MMGT1: variants seen among roughly 807,000 people sequenced by gnomAD.
The protein encoded by MMGT1 is ER membrane protein complex subunit 5.
Under a neutral mutation model 11.7 loss-of-function variants are expected in MMGT1, and 2 were observed. That is an observed-to-expected ratio of 0.17 (90% CI 0.07 to 0.54). The LOEUF is 0.54. Among genes scored for constraint, MMGT1 ranks in the 20% least tolerant of loss-of-function variants. The pLI, the probability that MMGT1 is intolerant of heterozygous loss-of-function variation, is 0.94. For missense variants in MMGT1, 74 were observed against 109.0 expected, an observed-to-expected ratio of 0.68 and a Z score of 1.43; for synonymous variants, 49 against 44.4, an observed-to-expected ratio of 1.10 and a Z score of -0.41.
At position 135,965,101 on chromosome X, in the gene MMGT1, C is replaced by T. The variant is rs1556611817; in HGVS notation, c.319G>A (p.Ala107Thr). 2 of 1,207,337 alleles carry T rather than the reference C, an allele frequency of 1.7e-6. No homozygotes were observed. The highest frequency in any genetic ancestry group is 1.7e-5 in the African/African-American group (1 of 57,695). ...AATGCATCTTGGTTTGAAGAATTTG[C>T]TGTATCCGAAGGCCGGAAAAGTACT... ...GRVLFRPSDT[A>T]NSSNQDALSS... Residue 107 changes from alanine to threonine, a missense_variant, in exon 4 of 4, where the codon GCA becomes ACA. Around this residue, in one of 2 missense-constraint regions of MMGT1, gnomAD observed 34 missense variants for 29.3 expected, o/e 1.16. Transcript: ENST00000305963.
intron 1 of MMGT1, among the ~76,000 whole-genome samples, chrX:135,973,235 G>A (rs2089230650): frequency 1.8e-5 from 2 of 111,779 alleles, no homozygotes; most frequent in Admixed American, 1.9e-4. Context: ...TGCCCAAGAT[G>A]TTGTCCACTT....
At chrX:135,965,881 C>G (rs1358778138) in intron 3 of MMGT1, among the ~76,000 whole-genome samples, 3 of 112,297 alleles carry the variant, frequency 2.7e-5, no homozygotes, top group Admixed American at 1.9e-4. Flanking sequence ...CCTCATTATT[C>G]AAGCCATATG....
At position 135,960,846 on chromosome X, in the gene MMGT1, G is replaced by A. The variant is rs1365727016; in HGVS notation, c.*4178C>T. Among the ~76,000 whole-genome samples, 2 of 112,000 alleles carry A rather than the reference G, an allele frequency of 1.8e-5. No homozygotes were observed. The highest frequency in any genetic ancestry group is 3.8e-5 in the Non-Finnish European group (2 of 53,175). Reference sequence around the variant, plus strand: ...CAGTAATCAATAAACATGAAAATGTGTTCCATCTCCTTCATTAAAATGTAC... The same window carrying A: ...CAGTAATCAATAAACATGAAAATGTATTCCATCTCCTTCATTAAAATGTAC... On this transcript the variant is annotated 3_prime_UTR_variant, in exon 4 of 4. Transcript: ENST00000305963.
rs782114424 is a variant in MMGT1 at position 135,973,640 on chromosome X, G to T, written c.36C>A (p.Ile12=). The part of the protein sequence containing the change: ...APSLWKGLVG[I]GLFALAHAAF... ...CGGCGTGGGCTAGGGCAAAGAGACC[G>T]ATGCCCACCAGCCCCTTCCACAGCG... The change falls in exon 1 of 4, where the codon ATC becomes ATA. Residue 12 remains isoleucine (I), a synonymous_variant. Coordinates refer to ENST00000305963, the MANE Select transcript of MMGT1 (RefSeq NM_173470.3). The T allele has an allele frequency of 3.4e-6, 4 of 1,165,706 alleles. No individual in the cohort carries two copies. In the Admixed American group the frequency reaches 1.0e-4, roughly 30 times the overall value.
rs781853438 is a variant in MMGT1, at chrX:135,967,419, G to A, written c.207C>T (p.Asp69=). The change falls in exon 3 of 4, where the codon GAC becomes GAT. Residue 69 remains aspartate (D), a synonymous_variant. Transcript: ENST00000305963. The part of the protein sequence containing the change: ...GIVHIAGEFK[D]MDATSELKNK... ...TTTTCAGTTCTGAAGTGGCATCCAT[G>A]TCTTTAAACTCTCCTGCAATATGAA... 21 of 1,191,685 alleles carry A rather than the reference G, an allele frequency of 1.8e-5. No homozygotes were observed. In the East Asian group the frequency reaches 2.4e-4, roughly 14 times the overall value.
chrX:135,967,808 A>G (rs1416861751), intron 2 of MMGT1, among the ~76,000 whole-genome samples: 1 of 111,924 alleles, frequency 8.9e-6, no homozygotes, highest in African/African-American at 3.2e-5. Context: ...AGCAACTAAG[A>G]ATTTTTAAGG....
intron 3 of MMGT1, among the ~76,000 whole-genome samples, chrX:135,966,790 T>G (rs1175945114): frequency 9.1e-6 from 1 of 110,234 alleles, no homozygotes; most frequent in African/African-American, 3.3e-5. Context: ...TTTAGGAAAG[T>G]AAAAATATGA....
rs781932549 is a variant in MMGT1 at position 135,962,924 on chromosome X, A to G, written c.*2100T>C. ...TTAGGTATCTGGCCCTCTTGCCTGA[A>G]ATCTATTGATTTTACCAACCACTCC... is the stretch of plus-strand genomic sequence containing the variant. On this transcript the variant is annotated 3_prime_UTR_variant, in exon 4 of 4. Transcript: ENST00000305963. 2 of 111,840 alleles carry G rather than the reference A, an allele frequency of 1.8e-5. No homozygotes were observed. Among genetic ancestry groups the G allele is most frequent in the Non-Finnish European group, 3.8e-5 (2 of 53,147 alleles). The allele number at this position is 111,840 out of a possible 1,213,427, so 9.2% of individuals were successfully genotyped here. A position where few individuals can be genotyped will look rare whatever the true frequency, so the allele number is the denominator to read the frequency against.
chrX:135,973,572 C>T, intron 1 of MMGT1, 25 bp downstream of exon 1: 1 of 1,141,603 alleles, frequency 8.8e-7, no homozygotes, highest in Non-Finnish European at 1.2e-6. Flanking sequence ...CACACCGAAG[C>T]GGTCCCCGTG....
At position 135,963,125 on chromosome X, in the gene MMGT1, G is replaced by C. The variant is rs41301503; in HGVS notation, c.*1899C>G. 1 of 110,958 alleles carries C rather than the reference G, an allele frequency of 9.0e-6. No homozygotes were observed. Among genetic ancestry groups the C allele is most frequent in the Non-Finnish European group, 1.9e-5 (1 of 52,980 alleles). The allele number at this position is 110,958 out of a possible 1,213,427, so 9.1% of individuals were successfully genotyped here. ...TAGATTAGTGGTTGCCAGGGGCTCG[G>C]GGATGGGGTGGGCACTGGGAGAAAA... On this transcript the variant is annotated 3_prime_UTR_variant, in exon 4 of 4. Coordinates refer to ENST00000305963, the MANE Select transcript of MMGT1 (RefSeq NM_173470.3).
Position 135,973,629 on chromosome X carries a change from G to A in MMGT1, c.47C>T (p.Ala16Val). ...WKGLVGIGLF[A>V]LAHAAFSAAQ... ...AGCGGAAAAGGCGGCGTGGGCTAGG[G>A]CAAAGAGACCGATGCCCACCAGCCC... The change falls in exon 1 of 4, where the codon GCC (alanine) becomes GTC (valine). Residue 16 changes from alanine (A) to valine (V), a missense_variant. Transcript: ENST00000305963. The A allele has an allele frequency of 8.6e-7, 1 of 1,167,095 alleles. No homozygotes were observed. Among genetic ancestry groups the A allele is most frequent in the South Asian group, 1.9e-5 (1 of 52,787 alleles).
rs2089161471 is a variant in MMGT1, at chrX:135,962,494, T to C, written c.*2530A>G. The C allele has an allele frequency of 8.9e-6, 1 of 112,215 alleles. No homozygotes were observed. The highest frequency in any genetic ancestry group is 1.9e-5 in the Non-Finnish European group (1 of 53,318). The allele number at this position is 112,215 out of a possible 1,213,427, so 9.2% of individuals were successfully genotyped here. A position where few individuals can be genotyped will look rare whatever the true frequency, so the allele number is the denominator to read the frequency against. On this transcript the variant is annotated 3_prime_UTR_variant, in exon 4 of 4. Coordinates refer to ENST00000305963, the MANE Select transcript of MMGT1 (RefSeq NM_173470.3). ...AACTACCCTAGGCAATAATTGACTG[T>C]CTCACAGTACTGTAGATAAAATTCT...
rs1556611352 is a variant in MMGT1 at position 135,961,268 on chromosome X, T to A, written c.*3756A>T. Among the ~76,000 whole-genome samples the A allele has an allele frequency of 2.7e-5, 3 of 110,777 alleles. No homozygotes were observed. Among genetic ancestry groups the A allele is most frequent in the South Asian group, 7.4e-4 (2 of 2,698 alleles). Reference sequence around the variant, plus strand: ...CGCTAAAAATAATGAGGTATTTTTATATATACTGATACAGAAAGATCTCAT... The same window carrying A: ...CGCTAAAAATAATGAGGTATTTTTAAATATACTGATACAGAAAGATCTCAT... On this transcript the variant is annotated 3_prime_UTR_variant, in exon 4 of 4. Coordinates refer to ENST00000305963, the MANE Select transcript of MMGT1 (RefSeq NM_173470.3).
intron 2 of MMGT1, among the ~76,000 whole-genome samples, chrX:135,967,834 T>A (rs1476641317): frequency 2.7e-5 from 3 of 110,361 alleles, no homozygotes; most frequent in Non-Finnish European, 5.7e-5. Context: ...TTGTTTTTGT[T>A]TTTTTTTTGT....
At chrX:135,970,280 T>TGG (rs1569523351) in intron 2 of MMGT1, among the ~76,000 whole-genome samples, 16 of 110,185 alleles carry the variant, frequency 1.5e-4, no homozygotes, top group African/African-American at 5.0e-4. Context: ...GGAAGGATAA[T>TGG]TGCTTGAACC....
At position 135,967,498 on chromosome X, in the gene MMGT1, G is replaced by A. The variant is rs1556612104; in HGVS notation, c.133-5C>T. ...CAGAAGTGTCTGAAGAACTATCTGT[G>A]AGTATAAAGATTGATAATACTAAAT... is the stretch of plus-strand genomic sequence containing the variant. On this transcript the variant is annotated splice_region_variant and splice_polypyrimidine_tract_variant and intron_variant, in intron 2 of 3. Coordinates refer to ENST00000305963, the MANE Select transcript of MMGT1 (RefSeq NM_173470.3). 9.8e-7 allele frequency: 1 copy of A among 1,018,246 alleles called. No individual in the cohort carries two copies. The highest frequency in any genetic ancestry group is 2.1e-5 in the South Asian group (1 of 47,695). 83.9% of individuals were successfully genotyped at this position (1,018,246 alleles called of 1,213,427 possible).
In MMGT1 at chrX:135,963,118, G is replaced by C. The variant is rs1556611596; in HGVS notation, c.*1906C>G. On this transcript the variant is annotated 3_prime_UTR_variant, in exon 4 of 4. Coordinates refer to ENST00000305963, the MANE Select transcript of MMGT1 (RefSeq NM_173470.3). ...AGAGAAATAGATTAGTGGTTGCCAG[G>C]GGCTCGGGGATGGGGTGGGCACTGG... is the stretch of plus-strand genomic sequence containing the variant. 9.0e-6 allele frequency: 1 copy of C among 110,855 alleles called. No homozygotes were observed. Among genetic ancestry groups the C allele is most frequent in the African/African-American group, 3.3e-5 (1 of 30,465 alleles). 9.1% of individuals were successfully genotyped at this position (110,855 alleles called of 1,213,427 possible). A position where few individuals can be genotyped will look rare whatever the true frequency, so the allele number is the denominator to read the frequency against.
chrX:135,966,911 G>A (rs2089189613), intron 3 of MMGT1, among the ~76,000 whole-genome samples: 1 of 111,337 alleles, frequency 9.0e-6, no homozygotes, highest in African/African-American at 3.3e-5. Flanking sequence ...AAGGGCCTGG[G>A]AGCAGAGCTT....
In MMGT1 at chrX:135,962,803, C is replaced by G. The variant is rs1360511153; in HGVS notation, c.*2221G>C. 3 of 111,934 alleles carry G rather than the reference C, an allele frequency of 2.7e-5. No individual in the cohort carries two copies. The highest frequency in any genetic ancestry group is 5.6e-5 in the Non-Finnish European group (3 of 53,201). The allele number at this position is 111,934 out of a possible 1,213,427, so 9.2% of individuals were successfully genotyped here. On this transcript the variant is annotated 3_prime_UTR_variant, in exon 4 of 4. Transcript: ENST00000305963. ...GGAGGCAAAGATTTCAACATCCATT[C>G]TAGAGACTAGCCACAGTATTATAAG...
Sources: allele counts gnomAD v4.1 joint callset (sites outside exome capture counted in the v4.1 genomes callset), GRCh38; gene constraint gnomAD v4.1.1; regional missense constraint gnomAD v4.1.1; transcripts MANE v1.5; gene names NCBI Gene and HGNC (gene_info 2026-07-23, HGNC 2026-07-21).